NHEJ1: variants seen among roughly 807,000 people sequenced by gnomAD.
NHEJ1 encodes non-homologous end joining factor 1, also known as non-homologous end-joining factor 1.
NHEJ1 carries 22 observed loss-of-function variants against 39.4 expected under a neutral mutation model. That is an observed-to-expected ratio of 0.56 (90% confidence interval 0.40 to 0.80). The LOEUF is 0.80. NHEJ1 is among the 30% of genes least tolerant of loss of function. The probability of loss-of-function intolerance (pLI) is 0.00; values close to 1 mark genes in which losing one functional copy is unlikely to be tolerated. For synonymous variants in NHEJ1, 154 were observed against 135.6 expected, an observed-to-expected ratio of 1.14 and a Z score of -0.94; for missense variants, 329 against 357.1, an observed-to-expected ratio of 0.92 and a Z score of 0.63.
At chr2:219,133,643 T>C (rs187041992) in intron 5 of NHEJ1, among the ~76,000 whole-genome samples, 1 of 152,356 alleles carries the variant, frequency 6.6e-6, no homozygotes, top group Admixed American at 6.5e-5. Context: ...CTACTGTCCC[T>C]TTCACTATTT....
chr2:219,126,525 C>T (rs1477293893), intron 5 of NHEJ1, among the ~76,000 whole-genome samples: 1 of 152,134 alleles, frequency 6.6e-6, no homozygotes, highest in African/African-American at 2.4e-5. Context: ...GGCAGTTATG[C>T]GAATCAAATG....
At chr2:219,094,087 C>G (rs1177548507) in intron 5 of NHEJ1, among the ~76,000 whole-genome samples, 1 of 152,190 alleles carries the variant, frequency 6.6e-6, no homozygotes. Context: ...AACTGCTAGG[C>G]TTGAGTTATC....
chr2:219,088,656 T>C lies in NHEJ1; in HGVS notation c.589-10450A>G, dbSNP rs181345542. ...TGTTACCCTTTGGAGGTGGTAGATA[T>C]TGGTAGATAACAGGGGGGTACTTTT... On this transcript the variant is annotated intron_variant, in intron 5 of 7. Coordinates refer to ENST00000356853, the MANE Select transcript of NHEJ1 (RefSeq NM_024782.3). Among the ~76,000 whole-genome samples the C allele has an allele frequency of 4.1e-3, 629 of 152,274 alleles. 5 individuals are homozygous for C. Among genetic ancestry groups the C allele is most frequent in the Non-Finnish European group, 6.5e-3 (440 of 68,018 alleles).
At chr2:219,077,626 C>G (rs6716869) in intron 6 of NHEJ1, among the ~76,000 whole-genome samples, 2,439 of 152,100 alleles carry the variant, frequency 0.016, 68 homozygotes, top group African/African-American at 0.056. Context: ...CATATTCCCT[C>G]ACATGTCTCA....
rs963556175 is a variant in NHEJ1, at chr2:219,070,181, A to G, written c.*6200T>C. ...GACTACAGGCGCACATCACCACACT[A>G]ATTTTTTTTTTATTTTTATTTTTGA... On this transcript the variant is annotated 3_prime_UTR_variant, in exon 8 of 8. Transcript: ENST00000356853. 2.6e-5 allele frequency among the ~76,000 whole-genome samples: 4 copies of G among 151,566 alleles called. No homozygotes were observed. Among genetic ancestry groups the G allele is most frequent in the Admixed American group, 2.0e-4 (3 of 15,236 alleles).
chr2:219,109,673 C>T (rs911286649), intron 5 of NHEJ1, among the ~76,000 whole-genome samples: 18 of 152,004 alleles, frequency 1.2e-4, no homozygotes, highest in African/African-American at 3.6e-4. Context: ...AGGGGAGGGG[C>T]AAGGAGGCGT....
chr2:219,140,672 T>C (rs892921411), intron 5 of NHEJ1, among the ~76,000 whole-genome samples: 4 of 152,138 alleles, frequency 2.6e-5, no homozygotes, highest in Admixed American at 2.0e-4. Context: ...GAAAAGTAAA[T>C]CTGGGCATAC....
intron 5 of NHEJ1, among the ~76,000 whole-genome samples, chr2:219,136,936 T>TC (rs1278826444): frequency 6.6e-6 from 1 of 152,072 alleles, no homozygotes; most frequent in Non-Finnish European, 1.5e-5. Context: ...TTCCTTTTTT[T>TC]TCTCTCTCAA....
chr2:219,108,710 G>C (rs1949335915), intron 5 of NHEJ1, among the ~76,000 whole-genome samples: 1 of 151,980 alleles, frequency 6.6e-6, no homozygotes, highest in South Asian at 2.1e-4. Flanking sequence ...GCTATTATTT[G>C]AGTATTATTC....
chr2:219,079,823 C>A (rs1949046418), intron 5 of NHEJ1, among the ~76,000 whole-genome samples: 1 of 152,210 alleles, frequency 6.6e-6, no homozygotes, highest in Non-Finnish European at 1.5e-5. Flanking sequence ...GGTGGGGAGG[C>A]AAACAGCTGC....
At chr2:219,103,941 T>C (rs1272749508) in intron 5 of NHEJ1, among the ~76,000 whole-genome samples, 1 of 152,218 alleles carries the variant, frequency 6.6e-6, no homozygotes, top group South Asian at 2.1e-4. Flanking sequence ...TGCCTAACTC[T>C]AGAGCACACA....
intron 5 of NHEJ1, among the ~76,000 whole-genome samples, chr2:219,089,847 A>G (rs1208670159): frequency 6.6e-6 from 1 of 152,160 alleles, no homozygotes; most frequent in African/African-American, 2.4e-5. Flanking sequence ...CTCTTTTAGG[A>G]ATAGATGCTT....
intron 3 of NHEJ1, 119 bp from the exon 4 acceptor site, chr2:219,147,914 TAG>T: frequency 1.0e-6 from 1 of 987,270 alleles, no homozygotes; most frequent in Non-Finnish European, 1.5e-6. Flanking sequence ...TATAGTTTCA[TAG>T]GCAAGTAACC....
chr2:219,069,462 A>G lies in NHEJ1; in HGVS notation c.*6919T>C, dbSNP rs1208164226. The G allele has an allele frequency of 6.6e-6, 1 of 152,250 alleles. No individual in the cohort carries two copies. The highest frequency in any genetic ancestry group is 2.4e-5 in the African/African-American group (1 of 41,452). The allele number at this position is 152,250 out of a possible 1,614,324, so 9.4% of individuals were successfully genotyped here. A position where few individuals can be genotyped will look rare whatever the true frequency, so the allele number is the denominator to read the frequency against. The stretch of plus-strand genomic sequence containing the variant: ...TAGGGTGCTCTGTGATGACTCAGGG[A>G]CTGGCCTGGCTCCTTTGGGTCATTC... On this transcript the variant is annotated 3_prime_UTR_variant, in exon 8 of 8. Coordinates refer to ENST00000356853, the MANE Select transcript of NHEJ1 (RefSeq NM_024782.3).
chr2:219,137,588 A>C (rs1170330977), intron 5 of NHEJ1, among the ~76,000 whole-genome samples: 7 of 138,468 alleles, frequency 5.1e-5, no homozygotes, highest in South Asian at 2.4e-4. Context: ...AAAAAAAAAA[A>C]AAAACAAAAA....
At chr2:219,091,804 A>ATGTGTATATATGAAGTATG (rs60083888) in intron 5 of NHEJ1, among the ~76,000 whole-genome samples, 1 of 151,266 alleles carries the variant, frequency 6.6e-6, no homozygotes, top group Non-Finnish European at 1.5e-5. Flanking sequence ...GAACAAGGGT[A>ATGTGTATATATGAAGTATG]TGTGTATATA....
Position 219,076,468 on chromosome 2 carries a change from G to A in NHEJ1, c.826-13C>T, listed in dbSNP as rs190480146. On this transcript the variant is annotated splice_polypyrimidine_tract_variant and intron_variant, in intron 7 of 7. Transcript: ENST00000356853. ...GGCCTGAAGTACCCTAGAAAAAAGGGAACCCAAGTTAGTAGGGGTTTTGAA... is the reference window on the plus strand; with the variant it reads ...GGCCTGAAGTACCCTAGAAAAAAGGAAACCCAAGTTAGTAGGGGTTTTGAA... 6.6e-5 allele frequency: 107 copies of A among 1,613,254 alleles called. No homozygotes were observed. In the East Asian group the frequency reaches 1.9e-3, roughly 29 times the overall value.
chr2:219,126,626 A>G (rs1385022154), intron 5 of NHEJ1, among the ~76,000 whole-genome samples: 1 of 152,256 alleles, frequency 6.6e-6, no homozygotes, highest in East Asian at 1.9e-4. Context: ...TAAACAAGAC[A>G]TCATATCCCT....
intron 5 of NHEJ1, among the ~76,000 whole-genome samples, chr2:219,082,064 T>C (rs946080054): frequency 6.6e-6 from 1 of 152,268 alleles, no homozygotes; most frequent in Non-Finnish European, 1.5e-5. Context: ...CAAACTAGTA[T>C]TGATGGAACA....
Sources: gnomAD v4.1 joint callset for allele counts (sites outside exome capture counted in the v4.1 genomes callset) on GRCh38, gnomAD v4.1.1 for gene constraint, MANE v1.5 for transcripts, NCBI Gene and HGNC (gene_info 2026-07-23, HGNC 2026-07-21) for gene names.